Variants in DISC1 observed in about 807,000 individuals in gnomAD.
DISC1 encodes the protein DISC1 scaffold protein, also known as disrupted in schizophrenia 1 protein.
DISC1 carries 57 observed loss-of-function variants against 84.5 expected under a neutral mutation model. The ratio of observed to expected loss-of-function variants is 0.67; its 90% confidence interval spans 0.55 to 0.84. The LOEUF (loss-of-function observed/expected upper bound fraction) is 0.84. Ranked by LOEUF, DISC1 falls within the 40% of genes least tolerant of loss-of-function variation. The probability of loss-of-function intolerance (pLI) is 0.00; values close to 1 mark genes in which losing one functional copy is unlikely to be tolerated. For missense variants in DISC1, 1,000 were observed against 1,057.8 expected (o/e 0.95, Z 0.76); for synonymous variants, 411 against 415.2 (o/e 0.99, Z 0.12).
chr1:231,702,652 A>T (rs1473313417), intron 3 of DISC1: 5 of 975,434 alleles, frequency 5.1e-6, no homozygotes, highest in Non-Finnish European at 6.1e-6. Flanking sequence ...CAAACAAAAA[A>T]ACAAAAAAAC....
intron 1 of DISC1, among the ~76,000 whole-genome samples, chr1:231,638,295 A>T (rs886743118): frequency 7.2e-5 from 11 of 152,126 alleles, no homozygotes; most frequent in Non-Finnish European, 1.3e-4. Context: ...AAGTCTGTTG[A>T]TTATTTCCTT....
intron 3 of DISC1, among the ~76,000 whole-genome samples, chr1:231,703,836 G>T (rs1012838689): frequency 6.6e-6 from 1 of 152,208 alleles, no homozygotes; most frequent in African/African-American, 2.4e-5. Context: ...TTCAGGGTGG[G>T]CTCAGCATTC....
intron 9 of DISC1, among the ~76,000 whole-genome samples, chr1:231,905,712 G>C (rs2088578118): frequency 6.6e-6 from 1 of 152,126 alleles, no homozygotes; most frequent in African/African-American, 2.4e-5. Flanking sequence ...GTGTGATTCT[G>C]AGGGGCATGG....
At chr1:231,836,657 G>A (rs953486533) in intron 9 of DISC1, among the ~76,000 whole-genome samples, 1 of 152,078 alleles carries the variant, frequency 6.6e-6, no homozygotes, top group Non-Finnish European at 1.5e-5. Context: ...TGCTCCCATT[G>A]GCTTTCACAT....
chr1:231,809,791 C>T (rs900687711), intron 8 of DISC1, among the ~76,000 whole-genome samples: 2 of 151,680 alleles, frequency 1.3e-5, no homozygotes, highest in Non-Finnish European at 2.9e-5. Context: ...TTTAAATTTC[C>T]GTCTTCTTCT....
At chr1:231,963,425 C>T (rs1660660375) in intron 10 of DISC1, among the ~76,000 whole-genome samples, 1 of 152,164 alleles carries the variant, frequency 6.6e-6, no homozygotes, top group South Asian at 2.1e-4. Context: ...AAGTCATCTT[C>T]AGAAGGGTCA....
At chr1:231,713,659 C>T (rs1002861377) in intron 3 of DISC1, among the ~76,000 whole-genome samples, 1 of 144,046 alleles carries the variant, frequency 6.9e-6, no homozygotes, top group East Asian at 2.0e-4. Context: ...ACTGAAGGGA[C>T]CTCTAGGACA....
intron 3 of DISC1, among the ~76,000 whole-genome samples, chr1:231,739,038 T>A (rs1164378178): frequency 6.6e-6 from 1 of 152,100 alleles, no homozygotes; most frequent in African/African-American, 2.4e-5. Context: ...ATGGATGGAG[T>A]TTAGAAATCA....
At chr1:231,724,353 T>C (rs892475727) in intron 3 of DISC1, among the ~76,000 whole-genome samples, 12 of 152,134 alleles carry the variant, frequency 7.9e-5, no homozygotes, top group African/African-American at 2.9e-4. Context: ...GAGGACTTCT[T>C]ACTATGTTTA....
At chr1:231,699,831 C>T (rs2066181370) in intron 2 of DISC1, among the ~76,000 whole-genome samples, 1 of 152,206 alleles carries the variant, frequency 6.6e-6, no homozygotes, top group Admixed American at 6.5e-5. Flanking sequence ...GTCCTCATTA[C>T]CTGTGTGACC....
intron 9 of DISC1, among the ~76,000 whole-genome samples, chr1:231,901,975 G>A (rs1298448782): frequency 1.3e-5 from 2 of 152,068 alleles, no homozygotes; most frequent in African/African-American, 4.8e-5. Flanking sequence ...GTGAACAAGA[G>A]CCCCACGTTT....
intron 9 of DISC1, chr1:231,818,972 C>T: frequency 1.0e-6 from 1 of 1,000,364 alleles, no homozygotes; most frequent in Non-Finnish European, 1.2e-6. Context: ...CTTCTTTCCC[C>T]AGGAAGGATG....
chr1:231,936,362 G>C (rs1177596036), intron 9 of DISC1, among the ~76,000 whole-genome samples: 2 of 152,096 alleles, frequency 1.3e-5, no homozygotes, highest in African/African-American at 2.4e-5. Flanking sequence ...TGCTGCCCCT[G>C]CTCTAGGCTG....
At chr1:231,659,391 C>A (rs911041256) in intron 1 of DISC1, among the ~76,000 whole-genome samples, 3 of 151,984 alleles carry the variant, frequency 2.0e-5, no homozygotes, top group Admixed American at 2.0e-4. Context: ...GTTAGTCTAG[C>A]AAGTGATCTA....
At chr1:232,023,736 G>T (rs1422551871) in intron 11 of DISC1, among the ~76,000 whole-genome samples, 1 of 152,020 alleles carries the variant, frequency 6.6e-6, no homozygotes, top group South Asian at 2.1e-4. Flanking sequence ...TCGTTTAAGG[G>T]TGTTTTAAAT....
chr1:231,838,120 TGG>T (rs978335313), intron 9 of DISC1, among the ~76,000 whole-genome samples: 2 of 152,218 alleles, frequency 1.3e-5, no homozygotes, highest in Admixed American at 1.3e-4. Flanking sequence ...GGGAGAATAC[TGG>T]AGAAGAACAT....
rs115725939 is a variant in DISC1 at position 231,998,437 on chromosome 1, T to G, written c.2043-10348T>G. Among the ~76,000 whole-genome samples the G allele has an allele frequency of 3.2e-3, 486 of 152,168 alleles. 3 individuals are homozygous for G. Among genetic ancestry groups the G allele is most frequent in the African/African-American group, 0.011 (450 of 41,512 alleles). On this transcript the variant is annotated intron_variant, in intron 10 of 12. Transcript: ENST00000439617. Reference sequence around the variant, plus strand: ...GTGCAAAACAGGATAGAAAAAAAGGTGATGGGCATACCTCAATAGGTTGTA... The same window carrying G: ...GTGCAAAACAGGATAGAAAAAAAGGGGATGGGCATACCTCAATAGGTTGTA...
chr1:231,812,795 C>G (rs1027239641), intron 8 of DISC1, among the ~76,000 whole-genome samples: 2 of 142,398 alleles, frequency 1.4e-5, no homozygotes, highest in African/African-American at 5.0e-5. Context: ...ATTTTCATCA[C>G]TGAGCTCCTG....
intron 8 of DISC1, among the ~76,000 whole-genome samples, chr1:231,810,756 G>A (rs1277025445): frequency 1.3e-5 from 2 of 152,200 alleles, no homozygotes; most frequent in Admixed American, 6.5e-5. Context: ...TCTCTGGTGG[G>A]TCCTAAGTTG....
Sources: gnomAD v4.1 joint callset for allele counts (sites outside exome capture counted in the v4.1 genomes callset) on GRCh38, gnomAD v4.1.1 for gene constraint, MANE v1.5 for transcripts, NCBI Gene and HGNC (gene_info 2026-07-23, HGNC 2026-07-21) for gene names.